The following ALG6 variants were observed in gnomAD, a reference collection of about 807,000 sequenced individuals.
The protein encoded by ALG6 is dolichyl pyrophosphate Man9GlcNAc2 alpha-1,3-glucosyltransferase.
In ALG6, 46 loss-of-function variants were observed where a neutral mutation model predicts 66.6. That is an observed-to-expected ratio of 0.69 (90% CI 0.55 to 0.88). The LOEUF (loss-of-function observed/expected upper bound fraction) is 0.88, where lower values mean the gene tolerates loss of function less well. Ranked by LOEUF, ALG6 falls within the 40% of genes least tolerant of loss-of-function variation. The pLI, the probability that ALG6 is intolerant of heterozygous loss-of-function variation, is 0.00. For synonymous variants in ALG6, 185 were observed against 203.7 expected, an observed-to-expected ratio of 0.91 and a Z score of 0.78; for missense variants, 505 against 586.8, an observed-to-expected ratio of 0.86 and a Z score of 1.44.
chr1:63,370,558 G>T (rs1382427543), intron 1 of ALG6, among the ~76,000 whole-genome samples: 1 of 152,118 alleles, frequency 6.6e-6, no homozygotes, highest in Non-Finnish European at 1.5e-5. Flanking sequence ...ATCTTTAGAT[G>T]TATTGAGTCC....
At chr1:63,396,364 G>A in intron 2 of ALG6, 149 bp from the exon 3 acceptor site, 1 of 712,892 alleles carries the variant, frequency 1.4e-6, no homozygotes. Flanking sequence ...GCTAGATTCA[G>A]ATTTTATCTC....
At chr1:63,406,952 C>A in intron 6 of ALG6, 110 bp from the exon 7 acceptor site, 1 of 790,604 alleles carries the variant, frequency 1.3e-6, no homozygotes. Context: ...AAGTGTGACA[C>A]CTCTGGAAAA....
At chr1:63,417,237 T>C (rs1335633799) in intron 11 of ALG6, among the ~76,000 whole-genome samples, 1 of 152,212 alleles carries the variant, frequency 6.6e-6, no homozygotes, top group Non-Finnish European at 1.5e-5. Context: ...TGATAGATTG[T>C]TGTTTTTCTA....
At chr1:63,373,812 A>G (rs1648020439) in intron 2 of ALG6, among the ~76,000 whole-genome samples, 1 of 151,434 alleles carries the variant, frequency 6.6e-6, no homozygotes, top group African/African-American at 2.4e-5. Context: ...AGTAAAGATG[A>G]GGTCTCACTG....
intron 9 of ALG6, among the ~76,000 whole-genome samples, chr1:63,413,139 C>T (rs1286219749): frequency 6.6e-6 from 1 of 152,136 alleles, no homozygotes; most frequent in Non-Finnish European, 1.5e-5. Flanking sequence ...CTATTGTCTC[C>T]ACTTTACAGA....
intron 2 of ALG6, among the ~76,000 whole-genome samples, chr1:63,387,532 CTTT>C (rs760731397): frequency 2.0e-4 from 12 of 59,474 alleles, no homozygotes; most frequent in African/African-American, 7.0e-4. Context: ...TTGTCTTTCT[CTTT>C]TTTTTTTTTT....
chr1:63,373,319 A>G (rs976387572), intron 2 of ALG6, among the ~76,000 whole-genome samples: 10 of 151,342 alleles, frequency 6.6e-5, no homozygotes, highest in Admixed American at 3.3e-4. Flanking sequence ...TATTTTAACC[A>G]GACTATAGTT....
At chr1:63,392,101 T>C (rs1467468651) in intron 2 of ALG6, among the ~76,000 whole-genome samples, 1 of 152,210 alleles carries the variant, frequency 6.6e-6, no homozygotes. Flanking sequence ...ATTACTAAAG[T>C]ATGACTGTGT....
intron 3 of ALG6, among the ~76,000 whole-genome samples, chr1:63,396,822 A>T (rs1648837747): frequency 6.6e-6 from 1 of 152,172 alleles, no homozygotes. Flanking sequence ...GCTGAACTAG[A>T]ACGTTGATGA....
At chr1:63,397,238 T>C (rs1442157020) in intron 3 of ALG6, among the ~76,000 whole-genome samples, 1 of 151,758 alleles carries the variant, frequency 6.6e-6, no homozygotes, top group Non-Finnish European at 1.5e-5. Context: ...CAGGCTGGAG[T>C]GCAGTGGCGT....
intron 12 of ALG6, among the ~76,000 whole-genome samples, chr1:63,423,430 T>G (rs1014797381): frequency 1.2e-4 from 18 of 152,246 alleles, no homozygotes; most frequent in Non-Finnish European, 2.1e-4. Flanking sequence ...CACACTGTTG[T>G]GCAAGCATCA....
At position 63,411,261 on chromosome 1, in the gene ALG6, C is replaced by T; in HGVS notation, c.610C>T (p.Leu204Phe). 1.2e-6 allele frequency: 2 copies of T among 1,613,970 alleles called. No individual in the cohort carries two copies. Among genetic ancestry groups the T allele is most frequent in the Non-Finnish European group, 1.7e-6 (2 of 1,179,900 alleles). ...AGCTATAAATTATAAACAGATGGAA[C>T]TTTACCACGCCTTGCCATTTTTTTG... ...CLAINYKQME[L>F]YHALPFFCFL... Residue 204 changes from leucine to phenylalanine, a missense_variant, in exon 8 of 15, where the codon CTT becomes TTT. By Grantham distance (22) the Leu-to-Phe change is conservative. Coordinates refer to ENST00000263440, the MANE Select transcript of ALG6 (RefSeq NM_013339.4).
At chr1:63,409,819 G>A (rs1297911751) in intron 7 of ALG6, among the ~76,000 whole-genome samples, 2 of 152,144 alleles carry the variant, frequency 1.3e-5, no homozygotes, top group African/African-American at 4.8e-5. Context: ...TGGCCACCAC[G>A]CATTGAGATG....
intron 2 of ALG6, among the ~76,000 whole-genome samples, chr1:63,390,840 C>T (rs1648648061): frequency 6.6e-6 from 1 of 152,360 alleles, no homozygotes; most frequent in Non-Finnish European, 1.5e-5. Context: ...CACACAGATT[C>T]TCTCTTCATG....
chr1:63,398,711 G>A (rs990720003), intron 3 of ALG6, among the ~76,000 whole-genome samples: 16 of 152,090 alleles, frequency 1.1e-4, no homozygotes, highest in Admixed American at 9.8e-4. Flanking sequence ...TCCTGACCTC[G>A]TGATCCGCCC....
Position 63,370,871 on chromosome 1 carries a change from A to G in ALG6, c.-107A>G, listed in dbSNP as rs995929209. The G allele has an allele frequency of 6.3e-6, 5 of 788,770 alleles. No individual in the cohort carries two copies. The highest frequency in any genetic ancestry group is 1.1e-5 in the Non-Finnish European group (5 of 434,810). The allele number at this position is 788,770 out of a possible 1,614,324, so 48.9% of individuals were successfully genotyped here. On this transcript the variant is annotated 5_prime_UTR_variant, in exon 2 of 15. Coordinates refer to ENST00000263440, the MANE Select transcript of ALG6 (RefSeq NM_013339.4). The stretch of plus-strand genomic sequence containing the variant: ...ATTGCGAAGAATCGATAACATTTCA[A>G]GAAGTGATAACATTTCTCTGAACAA...
intron 2 of ALG6, among the ~76,000 whole-genome samples, chr1:63,375,410 ATTTTTTTTT>A (rs766565038): frequency 1.8e-4 from 14 of 77,078 alleles, no homozygotes; most frequent in Admixed American, 5.8e-4. Context: ...CACCCCCGGC[ATTTTTTTTT>A]TTTTTTTTTT....
chr1:63,393,631 G>A (rs1648735638), intron 2 of ALG6, among the ~76,000 whole-genome samples: 2 of 152,178 alleles, frequency 1.3e-5, no homozygotes, highest in African/African-American at 2.4e-5. Context: ...TAAGAAGCAT[G>A]AACAGAAACT....
At chr1:63,425,470 A>G (rs1042489837) in intron 12 of ALG6, among the ~76,000 whole-genome samples, 3 of 152,204 alleles carry the variant, frequency 2.0e-5, no homozygotes, top group African/African-American at 7.2e-5. Context: ...TAACTGCTTC[A>G]GTTTTCTTAT....
Sources: gnomAD v4.1 joint callset for allele counts (sites outside exome capture counted in the v4.1 genomes callset) on GRCh38, gnomAD v4.1.1 for gene constraint, MANE v1.5 for transcripts, NCBI Gene and HGNC (gene_info 2026-07-23, HGNC 2026-07-21) for gene names.